Variants in NUP133 observed in about 807,000 individuals in gnomAD.
NUP133 encodes nucleoporin 133.
NUP133 carries 66 observed loss-of-function variants against 146.2 expected under a neutral mutation model. The ratio of observed to expected loss-of-function variants is 0.45; its 90% CI spans 0.37 to 0.55. The LOEUF (loss-of-function observed/expected upper bound fraction) is 0.55. Ranked by LOEUF, NUP133 falls within the 20% of genes least tolerant of loss-of-function variation. The probability of loss-of-function intolerance (pLI) is 0.00; values close to 1 mark genes in which losing one functional copy is unlikely to be tolerated. For missense variants in NUP133, 1,277 were observed against 1,374.8 expected, an observed-to-expected ratio of 0.93 and a Z score of 1.12; for synonymous variants, 521 against 498.8, an observed-to-expected ratio of 1.04 and a Z score of -0.59.
intron 12 of NUP133, among the ~76,000 whole-genome samples, chr1:229,480,119 GAA>G (rs1485969843): frequency 6.6e-6 from 1 of 152,176 alleles, no homozygotes; most frequent in Non-Finnish European, 1.5e-5. Context: ...TATTGGGAGG[GAA>G]AGAGGAACAG....
Position 229,464,734 on chromosome 1 carries a change from T to C in NUP133, c.2441A>G (p.Asp814Gly), listed in dbSNP as rs1223642127. 1 of 1,614,178 alleles carries C rather than the reference T, an allele frequency of 6.2e-7. No individual in the cohort carries two copies. Among genetic ancestry groups the C allele is most frequent in the Non-Finnish European group, 8.5e-7 (1 of 1,180,048 alleles). The change falls in exon 18 of 26, where the codon GAT becomes GGT. Residue 814 changes from aspartate (D) to glycine (G), a missense_variant. This residue lies in a region of NUP133 where 952 missense variants were observed against 1,047.0 expected (regional missense o/e 0.91). Coordinates refer to ENST00000261396, the MANE Select transcript of NUP133 (RefSeq NM_018230.3). ...QLVALIDCFLDGYVSQLKSVD... is the reference protein window; with the variant it reads ...QLVALIDCFLGGYVSQLKSVD... ...AGACTTAAGCTGAGAAACATAACCA[T>C]CCAGGAAGCAATCGATCAGGGCTAC...
chr1:229,495,446 T>G (rs3818237), intron 8 of NUP133, 49 bp downstream of exon 8: 2 of 1,327,090 alleles, frequency 1.5e-6, no homozygotes, highest in East Asian at 2.3e-5. Context: ...CATCAACTTA[T>G]TTTTTCCAAA....
At chr1:229,448,883 G>A in intron 24 of NUP133, 1 of 500,208 alleles carries the variant, frequency 2.0e-6, no homozygotes. Context: ...TGCTTAAATT[G>A]GCATCAAAGT....
intron 10 of NUP133, among the ~76,000 whole-genome samples, chr1:229,486,933 C>T (rs995387503): frequency 2.0e-5 from 3 of 150,150 alleles, no homozygotes; most frequent in Non-Finnish European, 4.4e-5. Flanking sequence ...AGGTCTAAGC[C>T]TACCTGGCAC....
chr1:229,452,448 C>G, intron 22 of NUP133, 77 bp downstream of exon 22: 4 of 1,063,102 alleles, frequency 3.8e-6, no homozygotes, highest in Non-Finnish European at 5.4e-6. Flanking sequence ...CTCTTAGGAA[C>G]TATACTACAT....
At chr1:229,447,188 CA>C in intron 24 of NUP133, among the ~76,000 whole-genome samples, 1 of 152,096 alleles carries the variant, frequency 6.6e-6, no homozygotes, top group East Asian at 1.9e-4. Flanking sequence ...ATTTTAAAAT[CA>C]AAAGTAGTGA....
At chr1:229,448,645 A>C (rs1660367630) in intron 24 of NUP133, 1 of 166,472 alleles carries the variant, frequency 6.0e-6, no homozygotes, top group Non-Finnish European at 1.3e-5. Context: ...ATTTGCTTTC[A>C]CTTTACTCTG....
Position 229,452,609 on chromosome 1 carries a change from C to T in NUP133, c.3015G>A (p.Gln1005=). The change falls in exon 22 of 26, where the codon CAG becomes CAA. Residue 1005 remains glutamine, a synonymous_variant. Transcript: ENST00000261396. The part of the protein sequence containing the change: ...MAEQERFLLH[Q]ETLPEQLLAE... ...CCAGCAGCTGTTCAGGTAGGGTCTC[C>T]TGATGCAGTAGAAAGCGCTCCTGCT... 6.2e-7 allele frequency: 1 copy of T among 1,613,414 alleles called. No homozygotes were observed. Among genetic ancestry groups the T allele is most frequent in the Non-Finnish European group, 8.5e-7 (1 of 1,179,500 alleles).
At position 229,478,019 on chromosome 1, in the gene NUP133, C is replaced by CA. The variant is rs560296214; in HGVS notation, c.1593-260dup. Reference sequence around the variant, plus strand: ...GCATAATTAGAATGTTCACAACATACAAAAAAGATGAATGCTTGAGGTGAC... The same window carrying CA: ...GCATAATTAGAATGTTCACAACATACAAAAAAAGATGAATGCTTGAGGTGAC... On this transcript the variant is annotated intron_variant, in intron 12 of 25. Transcript: ENST00000261396. Among the ~76,000 whole-genome samples, 212 of 152,104 alleles carry CA rather than the reference C, an allele frequency of 1.4e-3. 1 individual carries two copies. The highest frequency in any genetic ancestry group is 0.01 in the Middle Eastern group (3 of 294).
At chr1:229,479,507 G>A (rs1162577017) in intron 12 of NUP133, among the ~76,000 whole-genome samples, 1 of 152,168 alleles carries the variant, frequency 6.6e-6, no homozygotes, top group Non-Finnish European at 1.5e-5. Flanking sequence ...GCAATTTCAG[G>A]TATCCACTGG....
At chr1:229,461,208 G>A (rs1200133118) in intron 19 of NUP133, among the ~76,000 whole-genome samples, 2 of 152,174 alleles carry the variant, frequency 1.3e-5, no homozygotes, top group African/African-American at 4.8e-5. Context: ...ACAGCACCGA[G>A]ACTGTAACAT....
In NUP133 at chr1:229,445,665, A is replaced by C. The variant is rs1660286601; in HGVS notation, c.3246-663T>G. On this transcript the variant is annotated intron_variant, in intron 24 of 25. Transcript: ENST00000261396. ...GTGACTATCTACTACTAAAATAAAAATACCAAACCACTGCTCTGTAATCAA... is the reference window on the plus strand; with the variant it reads ...GTGACTATCTACTACTAAAATAAAACTACCAAACCACTGCTCTGTAATCAA... 2.0e-5 allele frequency among the ~76,000 whole-genome samples: 3 copies of C among 152,220 alleles called. No individual in the cohort carries two copies. The South Asian group carries it at 6.2e-4, about 31-fold the overall frequency.
chr1:229,495,144 T>G (rs1283996627), intron 8 of NUP133, among the ~76,000 whole-genome samples: 1 of 152,122 alleles, frequency 6.6e-6, no homozygotes, highest in African/African-American at 2.4e-5. Context: ...ATCGCAATAC[T>G]TTGGGATGCT....
At chr1:229,460,855 C>G (rs1660676971) in intron 19 of NUP133, 86 bp from the exon 20 acceptor site, 1 of 1,131,664 alleles carries the variant, frequency 8.8e-7, no homozygotes, top group African/African-American at 1.6e-5. Context: ...TTCTAAAGGC[C>G]TCCAAAACAG....
chr1:229,478,571 G>C lies in NUP133; in HGVS notation c.1593-811C>G, dbSNP rs539381797. Among the ~76,000 whole-genome samples the C allele has an allele frequency of 4.6e-5, 7 of 152,234 alleles. No individual in the cohort carries two copies. In the East Asian group the frequency reaches 1.2e-3, roughly 25 times the overall value. ...GGCTGAGATCACCCAGGGAGCAAGAGTTTGGAAAAAACTTGCAGGATAACC... is the reference window on the plus strand; with the variant it reads ...GGCTGAGATCACCCAGGGAGCAAGACTTTGGAAAAAACTTGCAGGATAACC... On this transcript the variant is annotated intron_variant, in intron 12 of 25. Transcript: ENST00000261396.
intron 21 of NUP133, among the ~76,000 whole-genome samples, chr1:229,455,600 C>G (rs1571909540): frequency 6.6e-6 from 1 of 152,048 alleles, no homozygotes; most frequent in East Asian, 1.9e-4. Flanking sequence ...CAGAAAAAGT[C>G]CAAATCTACA....
chr1:229,457,197 G>A (rs1203788115), intron 21 of NUP133, among the ~76,000 whole-genome samples: 4 of 152,034 alleles, frequency 2.6e-5, no homozygotes, highest in African/African-American at 9.7e-5. Context: ...TTCAATACAT[G>A]TATATGTTGT....
chr1:229,473,443 C>T (rs1661003686), intron 14 of NUP133, among the ~76,000 whole-genome samples: 1 of 152,100 alleles, frequency 6.6e-6, no homozygotes, highest in African/African-American at 2.4e-5. Context: ...TACCAGCAGC[C>T]GTGGAACTTC....
intron 8 of NUP133, among the ~76,000 whole-genome samples, chr1:229,493,140 T>A (rs1296137352): frequency 6.6e-6 from 1 of 152,152 alleles, no homozygotes; most frequent in Non-Finnish European, 1.5e-5. Context: ...TATCTAAACT[T>A]TGTATTAGTA....
Sources: gnomAD v4.1 joint callset for allele counts (sites outside exome capture counted in the v4.1 genomes callset) on GRCh38, gnomAD v4.1.1 for gene constraint, gnomAD v4.1.1 regional missense constraint, MANE v1.5 for transcripts, NCBI Gene and HGNC (gene_info 2026-07-23, HGNC 2026-07-21) for gene names.